Variants in MALSU1 observed in about 807,000 individuals in gnomAD.
MALSU1 encodes the protein mitochondrial assembly of ribosomal large subunit protein 1.
MALSU1 carries 22 observed loss-of-function variants against 22.1 expected under a neutral mutation model. The observed-to-expected ratio is 1.00, with a 90% confidence interval of 0.71 to 1.42. The LOEUF is 1.42. MALSU1 is among the 40% of genes most tolerant of loss of function. The pLI, the probability that MALSU1 is intolerant of heterozygous loss-of-function variation, is 0.00. For missense variants in MALSU1, 379 were observed against 308.3 expected (o/e 1.23, Z -1.72); for synonymous variants, 153 against 118.5 (o/e 1.29, Z -1.89).
rs370093207 is a variant in MALSU1, at chr7:23,309,582, T to G, written c.*39T>G. On this transcript the variant is annotated 3_prime_UTR_variant, in exon 4 of 4. Transcript: ENST00000466681. ...CTGCGTTAGTCATTTCAGATTTGGA[T>G]TGAGTCACTTATTGGAAAATACAGC... is the stretch of plus-strand genomic sequence containing the variant. The G allele has an allele frequency of 6.7e-6, 10 of 1,497,256 alleles. No homozygotes were observed. The African/African-American group carries it at 7.0e-5, about 10-fold the overall frequency. The allele number at this position is 1,497,256 out of a possible 1,614,324, so 92.7% of individuals were successfully genotyped here. A position where few individuals can be genotyped will look rare whatever the true frequency, so the allele number is the denominator to read the frequency against.
rs773973480 is a variant in MALSU1 at position 23,311,564 on chromosome 7, G to T, written c.*2021G>T. 2 of 152,202 alleles carry T rather than the reference G, an allele frequency of 1.3e-5. No homozygotes were observed. The highest frequency in any genetic ancestry group is 2.9e-5 in the Non-Finnish European group (2 of 68,000). 9.4% of individuals were successfully genotyped at this position (152,202 alleles called of 1,614,324 possible). ...ATACTAGGCACTGCTCCGTATTTTT[G>T]AACATTTGATTTAACTAATAACTGT... On this transcript the variant is annotated 3_prime_UTR_variant, in exon 4 of 4. Transcript: ENST00000466681.
At chr7:23,301,123 C>A (rs376872682) in intron 2 of MALSU1, 106 bp downstream of exon 2, 2 of 1,022,960 alleles carry the variant, frequency 2.0e-6, no homozygotes, top group South Asian at 1.9e-5. Flanking sequence ...TACAAAGTTA[C>A]AGAAGAAGCC....
rs762473553 is a variant in MALSU1 at position 23,299,466 on chromosome 7, C to G, written c.114C>G (p.Ala38=). The change falls in exon 1 of 4, where the codon GCC becomes GCG. Residue 38 remains alanine (A), a synonymous_variant. Transcript: ENST00000466681. ...VGAEPGLRLL[A]VQRLPVGAAF... is the part of the protein sequence containing the mutation. Reference sequence around the variant, plus strand: ...CCGAGCCCGGGCTTCGGCTGCTGGCCGTGCAGCGGCTTCCCGTAGGAGCAG... The same window carrying G: ...CCGAGCCCGGGCTTCGGCTGCTGGCGGTGCAGCGGCTTCCCGTAGGAGCAG... 1.9e-6 allele frequency: 3 copies of G among 1,609,162 alleles called. No individual in the cohort carries two copies. Among genetic ancestry groups the G allele is most frequent in the Admixed American group, 1.7e-5 (1 of 59,928 alleles).
chr7:23,305,654 GGT>G (rs1783713246), intron 2 of MALSU1, among the ~76,000 whole-genome samples: 2 of 152,232 alleles, frequency 1.3e-5, no homozygotes, highest in African/African-American at 4.8e-5. Flanking sequence ...TGGGATTACA[GGT>G]GTGAGCCACC....
At position 23,309,357 on chromosome 7, in the gene MALSU1, C is replaced by T. The variant is rs1458125959; in HGVS notation, c.519C>T (p.Gly173=). ...DTDDWLCVDF[G]SMVIHLMLPE... ...GTATCTCTTATCTGTCCCTGACAGG[C>T]AGCATGGTGATTCATTTGATGCTTC... The change falls in exon 4 of 4, where the codon GGC becomes GGT. Residue 173 remains glycine, a splice_region_variant and synonymous_variant. Transcript: ENST00000466681. 4.4e-6 allele frequency: 7 copies of T among 1,608,030 alleles called. No homozygotes were observed. The highest frequency in any genetic ancestry group is 5.9e-6 in the Non-Finnish European group (7 of 1,177,848).
intron 1 of MALSU1, among the ~76,000 whole-genome samples, chr7:23,300,556 A>G (rs1416351489): frequency 6.6e-6 from 1 of 152,182 alleles, no homozygotes; most frequent in African/African-American, 2.4e-5. Context: ...AAGTATTAGT[A>G]GAAAGTCATT....
chr7:23,304,781 T>G (rs1005957135), intron 2 of MALSU1, among the ~76,000 whole-genome samples: 4 of 152,288 alleles, frequency 2.6e-5, no homozygotes, highest in South Asian at 2.1e-4. Context: ...AATCAGGTTG[T>G]TTGTTGTTTT....
Position 23,299,577 on chromosome 7 carries a change from C to A in MALSU1, c.225C>A (p.Val75=). The change falls in exon 1 of 4, where the codon GTC becomes GTA. Residue 75 remains valine, a synonymous_variant. Coordinates refer to ENST00000466681, the MANE Select transcript of MALSU1 (RefSeq NM_138446.2). The part of the protein sequence containing the change: ...PGLEERAEGT[V]NEGRPESDAA... ...TGGAGGAGCGGGCGGAGGGGACGGT[C>A]AACGAGGGACGCCCAGAATCGGACG... The A allele has an allele frequency of 6.2e-7, 1 of 1,601,012 alleles. No individual in the cohort carries two copies. The highest frequency in any genetic ancestry group is 1.1e-5 in the South Asian group (1 of 89,148).
At chr7:23,305,798 C>T (rs1783715192) in intron 2 of MALSU1, among the ~76,000 whole-genome samples, 2 of 152,174 alleles carry the variant, frequency 1.3e-5, no homozygotes, top group South Asian at 4.1e-4. Flanking sequence ...ATTGTCTTCC[C>T]ATCCATGAAT....
intron 3 of MALSU1, 148 bp downstream of exon 3, chr7:23,308,097 T>C: frequency 3.0e-6 from 2 of 675,098 alleles, no homozygotes; most frequent in Non-Finnish European, 5.2e-6. Context: ...AAAGTTTTTT[T>C]AGTTATAATC....
At chr7:23,307,716 C>T (rs1032619207) in intron 2 of MALSU1, 152 bp from the exon 3 acceptor site, 9 of 570,612 alleles carry the variant, frequency 1.6e-5, no homozygotes, top group Non-Finnish European at 1.2e-5. Context: ...AATAGTTTCC[C>T]TAAGTTATTC....
At chr7:23,307,665 A>T in intron 2 of MALSU1, 1 of 504,050 alleles carries the variant, frequency 2.0e-6, no homozygotes, top group Non-Finnish European at 3.5e-6. Flanking sequence ...GGGCAGGAGA[A>T]TTCAGGAGAG....
chr7:23,307,740 G>T, intron 2 of MALSU1, 128 bp from the exon 3 acceptor site: 1 of 646,874 alleles, frequency 1.5e-6, no homozygotes, highest in Middle Eastern at 2.5e-4. Context: ...ACAGGGCAAA[G>T]TATAGCAATG....
chr7:23,307,908 T>C lies in MALSU1; in HGVS notation c.476T>C (p.Ile159Thr), dbSNP rs1783743619. Reference protein sequence around the residue: ...LKCKRDPHVKIEGKDTDDWLC... With the variant: ...LKCKRDPHVKTEGKDTDDWLC... ...TGTAAACGTGACCCTCATGTTAAGA[T>C]AGAAGGGAAGGACACTGATGACTGG... is the stretch of plus-strand genomic sequence containing the variant. Residue 159 changes from isoleucine (I) to threonine (T), a missense_variant, in exon 3 of 4, where the codon ATA (isoleucine) becomes ACA (threonine). Coordinates refer to ENST00000466681, the MANE Select transcript of MALSU1 (RefSeq NM_138446.2). The C allele has an allele frequency of 7.4e-6, 12 of 1,614,002 alleles. No individual in the cohort carries two copies. The South Asian group carries it at 9.9e-5, about 13-fold the overall frequency.
At position 23,305,099 on chromosome 7, in the gene MALSU1, C is replaced by T. The variant is rs576041630; in HGVS notation, c.436-2769C>T. On this transcript the variant is annotated intron_variant, in intron 2 of 3. Transcript: ENST00000466681. ...CCCATTTTGAGTTAGTTTTTGTAGG[C>T]GGTTAGTTTTCCATGTGGACATTTC... 7.4e-4 allele frequency among the ~76,000 whole-genome samples: 112 copies of T among 152,204 alleles called. 1 individual carries two copies. The highest frequency in any genetic ancestry group is 2.3e-3 in the African/African-American group (97 of 41,528).
intron 1 of MALSU1, 82 bp downstream of exon 1, chr7:23,299,690 C>T (rs1211300210): frequency 3.5e-6 from 5 of 1,435,750 alleles, no homozygotes; most frequent in Non-Finnish European, 4.7e-6. Context: ...CTGGGTTCCC[C>T]TCTATGTGCA....
intron 2 of MALSU1, among the ~76,000 whole-genome samples, chr7:23,304,911 G>A (rs1783704709): frequency 6.6e-6 from 1 of 151,998 alleles, no homozygotes; most frequent in Non-Finnish European, 1.5e-5. Flanking sequence ...AGTGTCCTTT[G>A]ATGCACGAAA....
chr7:23,300,410 C>T (rs1364432344), intron 1 of MALSU1, among the ~76,000 whole-genome samples: 2 of 152,118 alleles, frequency 1.3e-5, no homozygotes, highest in African/African-American at 2.4e-5. Flanking sequence ...CCTAAGAGCC[C>T]TTCCAGCTCA....
At chr7:23,309,085 G>A (rs1366731294) in intron 3 of MALSU1, among the ~76,000 whole-genome samples, 2 of 152,182 alleles carry the variant, frequency 1.3e-5, no homozygotes, top group African/African-American at 2.4e-5. Context: ...AATTGTCACC[G>A]AAGAGAATCC....
Sources: gnomAD v4.1 joint callset for allele counts (sites outside exome capture counted in the v4.1 genomes callset) on GRCh38, gnomAD v4.1.1 for gene constraint, MANE v1.5 for transcripts, NCBI Gene and HGNC (gene_info 2026-07-23, HGNC 2026-07-21) for gene names.